The following CPSF2 variants were observed in gnomAD, a reference collection of about 807,000 sequenced individuals.
CPSF2 encodes cleavage and polyadenylation specificity factor subunit 2.
CPSF2 carries 51 observed loss-of-function variants against 84.2 expected under a neutral mutation model. That is an observed-to-expected ratio of 0.61 (90% confidence interval 0.48 to 0.77). The LOEUF is 0.77. Ranked by LOEUF, CPSF2 falls within the 30% of genes least tolerant of loss-of-function variation. The pLI is 0.00. For missense variants in CPSF2, 641 were observed against 929.4 expected, an observed-to-expected ratio of 0.69 and a Z score of 4.03; for synonymous variants, 286 against 311.9, an observed-to-expected ratio of 0.92 and a Z score of 0.87.
chr14:92,142,694 G>A (rs2069093894), intron 8 of CPSF2, among the ~76,000 whole-genome samples: 1 of 152,112 alleles, frequency 6.6e-6, no homozygotes, highest in Admixed American at 6.5e-5. Flanking sequence ...TTTTAAATAA[G>A]CTTTTTGCCT....
intron 13 of CPSF2, 150 bp downstream of exon 13, chr14:92,158,034 G>GGAAA (rs1314842237): frequency 4.9e-6 from 3 of 616,260 alleles, no homozygotes; most frequent in Non-Finnish European, 5.8e-6. Flanking sequence ...CTTAGAACAA[G>GGAAA]GAAATACCAT....
At position 92,168,247 on chromosome 14, in the gene CPSF2, C is replaced by CAAAAAAA. The variant is rs1445581730; in HGVS notation, c.*6503_*6504insAAAAAAA. The stretch of plus-strand genomic sequence containing the variant: ...TGGGCGACAGAGCGCAACTCTGTCT[C>CAAAAAAA]CAAAAAAAAAAAAAAAAAAGGGCAG... On this transcript the variant is annotated 3_prime_UTR_variant, in exon 16 of 16. Transcript: ENST00000298875. The CAAAAAAA allele has an allele frequency of 1.6e-5, 1 of 60,620 alleles. No homozygotes were observed. Among genetic ancestry groups the CAAAAAAA allele is most frequent in the African/African-American group, 8.5e-5 (1 of 11,788 alleles). 3.8% of individuals were successfully genotyped at this position (60,620 alleles called of 1,614,324 possible).
intron 3 of CPSF2, among the ~76,000 whole-genome samples, chr14:92,133,141 C>A (rs1027783042): frequency 6.6e-6 from 1 of 150,500 alleles, no homozygotes; most frequent in Non-Finnish European, 1.5e-5. Context: ...AACTTATGGC[C>A]GGGCGTGGTG....
intron 2 of CPSF2, among the ~76,000 whole-genome samples, chr14:92,127,644 G>T (rs999065581): frequency 1.3e-5 from 2 of 152,140 alleles, no homozygotes; most frequent in African/African-American, 2.4e-5. Context: ...AAATTCTAGA[G>T]TATTTTTATA....
Position 92,161,763 on chromosome 14 carries a change from GT to G in CPSF2, c.*20del. On this transcript the variant is annotated 3_prime_UTR_variant, in exon 16 of 16. Transcript: ENST00000298875. ...TGTATAAAGGACATGATGTCAAGAA[GT>G]ATCTGCTTGACCTTTCTAAGAAAAA... The G allele has an allele frequency of 8.0e-6, 11 of 1,367,934 alleles. No individual in the cohort carries two copies. The highest frequency in any genetic ancestry group is 1.1e-5 in the Non-Finnish European group (11 of 990,302). The allele number at this position is 1,367,934 out of a possible 1,614,324, so 84.7% of individuals were successfully genotyped here. A position where few individuals can be genotyped will look rare whatever the true frequency, so the allele number is the denominator to read the frequency against.
chr14:92,144,869 T>G (rs893121789), intron 9 of CPSF2, among the ~76,000 whole-genome samples: 15 of 152,128 alleles, frequency 9.9e-5, no homozygotes, highest in Non-Finnish European at 1.5e-5. Context: ...GCACATGATC[T>G]TGTCTCAAAC....
At chr14:92,158,490 A>G (rs746091662) in intron 13 of CPSF2, among the ~76,000 whole-genome samples, 1 of 152,182 alleles carries the variant, frequency 6.6e-6, no homozygotes, top group Admixed American at 6.6e-5. Context: ...TGGGCAGAGT[A>G]AGAAGAAGCA....
intron 9 of CPSF2, among the ~76,000 whole-genome samples, chr14:92,151,577 T>A (rs1161929282): frequency 6.6e-6 from 1 of 152,208 alleles, no homozygotes; most frequent in Non-Finnish European, 1.5e-5. Context: ...ATGAAAGGAC[T>A]ATTTACATAT....
chr14:92,158,858 A>C, intron 13 of CPSF2, 125 bp from the exon 14 acceptor site: 1 of 822,188 alleles, frequency 1.2e-6, no homozygotes, highest in African/African-American at 1.7e-5. Context: ...TGTGGGACTC[A>C]GATGAGTGAA....
Position 92,125,646 on chromosome 14 carries a change from G to A in CPSF2, c.-93-476G>A, listed in dbSNP as rs151057753. Among the ~76,000 whole-genome samples, 286 of 151,978 alleles carry A rather than the reference G, an allele frequency of 1.9e-3. 1 individual carries two copies. Among genetic ancestry groups the A allele is most frequent in the Admixed American group, 3.8e-3 (58 of 15,256 alleles). On this transcript the variant is annotated intron_variant, in intron 1 of 15. Transcript: ENST00000298875. ...CAGTTTCCAAGGCCTTTCACTATCT[G>A]GCCCCTTTCTGTTCATTAGGCCTTA...
chr14:92,152,851 G>A (rs1197870997), intron 9 of CPSF2, among the ~76,000 whole-genome samples: 1 of 151,936 alleles, frequency 6.6e-6, no homozygotes, highest in Non-Finnish European at 1.5e-5. Flanking sequence ...AGCTCTTTGG[G>A]GTTCTCTAAT....
rs1238307721 is a variant in CPSF2 at position 92,165,854 on chromosome 14, C to A, written c.*4110C>A. ...CAGTTCTTTGTGCTTGGTTTTATAT[C>A]TTTTTTTTTTTTTTTTTTTTTTTTT... On this transcript the variant is annotated 3_prime_UTR_variant, in exon 16 of 16. Transcript: ENST00000298875. 1 of 50,636 alleles carries A rather than the reference C, an allele frequency of 2.0e-5. No homozygotes were observed. 3.1% of individuals were successfully genotyped at this position (50,636 alleles called of 1,614,324 possible). A position where few individuals can be genotyped will look rare whatever the true frequency, so the allele number is the denominator to read the frequency against.
rs2069440104 is a variant in CPSF2 at position 92,165,879 on chromosome 14, T to TTTTTTA, written c.*4135_*4136insTTTTTA. 1.4e-5 allele frequency: 2 copies of TTTTTTA among 139,716 alleles called. No individual in the cohort carries two copies. The highest frequency in any genetic ancestry group is 1.5e-5 in the Non-Finnish European group (1 of 65,404). 8.7% of individuals were successfully genotyped at this position (139,716 alleles called of 1,614,324 possible). ...CTTTTTTTTTTTTTTTTTTTTTTTT[T>TTTTTTA]GAGATGGAGTCTTGCTTTGTCACCC... is the stretch of plus-strand genomic sequence containing the variant. On this transcript the variant is annotated 3_prime_UTR_variant, in exon 16 of 16. Transcript: ENST00000298875.
rs975624257 is a variant in CPSF2, at chr14:92,165,598, T to C, written c.*3854T>C. The C allele has an allele frequency of 6.6e-6, 1 of 152,108 alleles. No individual in the cohort carries two copies. Among genetic ancestry groups the C allele is most frequent in the African/African-American group, 2.4e-5 (1 of 41,420 alleles). 9.4% of individuals were successfully genotyped at this position (152,108 alleles called of 1,614,324 possible). A position where few individuals can be genotyped will look rare whatever the true frequency, so the allele number is the denominator to read the frequency against. The stretch of plus-strand genomic sequence containing the variant: ...TGGAGTAATATCTGTTCATATCCTT[T>C]GTCCATTTTCAATTTGTTTATGTTC... On this transcript the variant is annotated 3_prime_UTR_variant, in exon 16 of 16. Coordinates refer to ENST00000298875, the MANE Select transcript of CPSF2 (RefSeq NM_017437.3).
At chr14:92,136,326 A>G (rs752907957) in intron 6 of CPSF2, among the ~76,000 whole-genome samples, 48 of 152,224 alleles carry the variant, frequency 3.2e-4, no homozygotes, top group Non-Finnish European at 5.9e-4. Flanking sequence ...AAGGATGGCT[A>G]TGTTGCAGGG....
chr14:92,140,556 C>T (rs1358173908), intron 7 of CPSF2, among the ~76,000 whole-genome samples: 1 of 151,554 alleles, frequency 6.6e-6, no homozygotes, highest in Non-Finnish European at 1.5e-5. Context: ...CCTCAGCCTC[C>T]CGAGTAGCTG....
In CPSF2 at chr14:92,128,778, G is replaced by A. The variant is rs892032237; in HGVS notation, c.-34-2173G>A. ...GAATACTAGAGTAAGTAAGGTGTTA[G>A]AGAATGAGATGCTTGAAGTGAAATT... is the stretch of plus-strand genomic sequence containing the variant. On this transcript the variant is annotated intron_variant, in intron 2 of 15. Coordinates refer to ENST00000298875, the MANE Select transcript of CPSF2 (RefSeq NM_017437.3). Among the ~76,000 whole-genome samples, 4 of 152,308 alleles carry A rather than the reference G, an allele frequency of 2.6e-5. No homozygotes were observed. The South Asian group carries it at 8.3e-4, about 32-fold the overall frequency.
rs2069512798 is a variant in CPSF2 at position 92,171,184 on chromosome 14, T to A, written c.*9440T>A. The A allele has an allele frequency of 6.6e-6, 1 of 152,192 alleles. No individual in the cohort carries two copies. The highest frequency in any genetic ancestry group is 6.5e-5 in the Admixed American group (1 of 15,274). 9.4% of individuals were successfully genotyped at this position (152,192 alleles called of 1,614,324 possible). ...CTCTGTTGCCCAGGCTACAGTGCAGTGATGAGATCATAGCCCACTGCAGCC... is the reference window on the plus strand; with the variant it reads ...CTCTGTTGCCCAGGCTACAGTGCAGAGATGAGATCATAGCCCACTGCAGCC... On this transcript the variant is annotated 3_prime_UTR_variant, in exon 16 of 16. Coordinates refer to ENST00000298875, the MANE Select transcript of CPSF2 (RefSeq NM_017437.3).
chr14:92,128,019 C>G (rs1204121185), intron 2 of CPSF2, among the ~76,000 whole-genome samples: 1 of 152,170 alleles, frequency 6.6e-6, no homozygotes, highest in Non-Finnish European at 1.5e-5. Flanking sequence ...TAAGAAAAGT[C>G]AGATTGAAGG....
Sources: allele counts gnomAD v4.1 joint callset (sites outside exome capture counted in the v4.1 genomes callset), GRCh38; gene constraint gnomAD v4.1.1; transcripts MANE v1.5; gene names NCBI Gene and HGNC (gene_info 2026-07-23, HGNC 2026-07-21).